Variants in BMAL1 observed in about 807,000 individuals in gnomAD.
The protein encoded by BMAL1 is basic helix-loop-helix ARNT like 1.
At chr11:13,348,677 T>G in the BMAL1 span, among the ~76,000 whole-genome samples, 1 of 152,172 alleles carries the variant, frequency 6.6e-6, no homozygotes, top group South Asian at 2.1e-4. Flanking sequence ...TTGCTGCTGC[T>G]TTACCAGTTG....
At chr11:13,358,604 GCT>G in the BMAL1 span, 1 of 1,578,412 alleles carries the variant, frequency 6.3e-7, no homozygotes, top group South Asian at 1.2e-5. Flanking sequence ...GAGACCCTGG[GCT>G]CTATTGTCCT....
the BMAL1 span, among the ~76,000 whole-genome samples, chr11:13,303,359 A>G: frequency 1.3e-5 from 2 of 152,240 alleles, no homozygotes; most frequent in Admixed American, 6.5e-5. Context: ...TTGGGGAGGT[A>G]GAGATCATAT....
chr11:13,362,473 G>T, the BMAL1 span, among the ~76,000 whole-genome samples: 1 of 152,140 alleles, frequency 6.6e-6, no homozygotes, highest in African/African-American at 2.4e-5. Context: ...TCCAATACAT[G>T]CCTCTGTGCC....
At chr11:13,358,666 C>A in the BMAL1 span, 2 of 1,370,396 alleles carry the variant, frequency 1.5e-6, no homozygotes, top group Non-Finnish European at 1.9e-6. Context: ...ATGTTCCTAT[C>A]CCTAAGGCAG....
At chr11:13,295,275 C>T in the BMAL1 span, among the ~76,000 whole-genome samples, 2 of 152,062 alleles carry the variant, frequency 1.3e-5, no homozygotes, top group Admixed American at 6.5e-5. Flanking sequence ...ATGGCTTTGG[C>T]TGTCATGGGA....
At chr11:13,370,267 C>T in the BMAL1 span, among the ~76,000 whole-genome samples, 1 of 152,160 alleles carries the variant, frequency 6.6e-6, no homozygotes, top group Non-Finnish European at 1.5e-5. Flanking sequence ...CTGTCCTGGG[C>T]TGCATCTCTG....
the BMAL1 span, among the ~76,000 whole-genome samples, chr11:13,296,441 T>C: frequency 1.7e-3 from 264 of 152,332 alleles, 6 homozygotes; most frequent in East Asian, 0.011. Flanking sequence ...AGTAAGTCAT[T>C]CATGCTGTGC....
chr11:13,360,533 C>G, the BMAL1 span: 1 of 917,320 alleles, frequency 1.1e-6, no homozygotes, highest in African/African-American at 1.7e-5. Flanking sequence ...TTTTTTAGGC[C>G]TGCTTCCTCT....
chr11:13,318,449 T>C, the BMAL1 span, among the ~76,000 whole-genome samples: 1 of 152,030 alleles, frequency 6.6e-6, no homozygotes, highest in East Asian at 1.9e-4. Context: ...GGATATAAAT[T>C]TCTATAGCTG....
chr11:13,320,689 G>A, the BMAL1 span, among the ~76,000 whole-genome samples: 27 of 152,188 alleles, frequency 1.8e-4, no homozygotes, highest in African/African-American at 5.3e-4. Flanking sequence ...GAGAAAGTTC[G>A]TTGGGGATGC....
the BMAL1 span, among the ~76,000 whole-genome samples, chr11:13,351,310 C>CA: frequency 6.6e-6 from 1 of 152,120 alleles, no homozygotes; most frequent in Non-Finnish European, 1.5e-5. Context: ...AGAAAGGAGT[C>CA]AGGGTGGCTT....
At chr11:13,284,614 T>C in the BMAL1 span, among the ~76,000 whole-genome samples, 1 of 138,400 alleles carries the variant, frequency 7.2e-6, no homozygotes, top group African/African-American at 3.3e-5. Flanking sequence ...GAAATTGTCT[T>C]TTTTTTTTGG....
At chr11:13,326,859 G>T in the BMAL1 span, among the ~76,000 whole-genome samples, 1 of 151,442 alleles carries the variant, frequency 6.6e-6, no homozygotes, top group South Asian at 2.1e-4. Flanking sequence ...TCGCTCTGTC[G>T]CCCAGGCTGG....
At chr11:13,358,322 A>G in the BMAL1 span, 1 of 1,233,762 alleles carries the variant, frequency 8.1e-7, no homozygotes. Context: ...CAAATTCTAA[A>G]TTTGCCTTGT....
At chr11:13,362,812 C>T in the BMAL1 span, among the ~76,000 whole-genome samples, 1 of 152,150 alleles carries the variant, frequency 6.6e-6, no homozygotes, top group East Asian at 1.9e-4. Flanking sequence ...TTTCACAAGG[C>T]CCCATGCTTG....
chr11:13,326,919 A>C, the BMAL1 span, among the ~76,000 whole-genome samples: 2 of 151,940 alleles, frequency 1.3e-5, no homozygotes, highest in South Asian at 4.2e-4. Flanking sequence ...TCCCGGGTTC[A>C]CGCCAGTCTC....
At chr11:13,365,282 A>AACACAC in the BMAL1 span, 24,927 of 182,388 alleles carry the variant, frequency 0.14, 1,723 homozygotes, top group Middle Eastern at 0.17. Context: ...GATATGCAGA[A>AACACAC]ACACACACAC....
the BMAL1 span, among the ~76,000 whole-genome samples, chr11:13,279,188 G>T: frequency 6.6e-6 from 1 of 152,220 alleles, no homozygotes. Flanking sequence ...ACTCCTCAGC[G>T]AGGAATTATT....
the BMAL1 span, among the ~76,000 whole-genome samples, chr11:13,298,986 C>T: frequency 0.34 from 51,435 of 152,068 alleles, 9,167 homozygotes; most frequent in East Asian, 0.5. Flanking sequence ...AGGCGGTCTG[C>T]GCCCCCAGCT....
Sources: allele counts gnomAD v4.1 joint callset (sites outside exome capture counted in the v4.1 genomes callset), GRCh38; gene constraint gnomAD v4.1.1; transcripts MANE v1.5; gene names NCBI Gene and HGNC (gene_info 2026-07-23, HGNC 2026-07-21).